CDK19: variants seen among roughly 807,000 people sequenced by gnomAD.
The protein encoded by CDK19 is cyclin dependent kinase 19, also known as cyclin-dependent kinase 19.
CDK19 carries 20 observed loss-of-function variants against 68.3 expected under a neutral mutation model. That is an observed-to-expected ratio of 0.29 (90% CI 0.21 to 0.43). The LOEUF is 0.43. CDK19 is among the 20% of genes least tolerant of loss of function. The pLI is 1.00. For missense variants in CDK19, 339 were observed against 623.5 expected, an observed-to-expected ratio of 0.54 and a Z score of 4.86; for synonymous variants, 221 against 222.8, an observed-to-expected ratio of 0.99 and a Z score of 0.07.
chr6:110,685,747 C>A (rs1272321039), intron 2 of CDK19, among the ~76,000 whole-genome samples: 1 of 152,200 alleles, frequency 6.6e-6, no homozygotes, highest in Non-Finnish European at 1.5e-5. Flanking sequence ...CAAAGCTATT[C>A]ACCCCAAAGG....
chr6:110,701,209 A>T (rs1562211289), intron 2 of CDK19, among the ~76,000 whole-genome samples: 2 of 149,886 alleles, frequency 1.3e-5, no homozygotes, highest in Non-Finnish European at 3.0e-5. Context: ...ATCTCAAAAA[A>T]AATTAATTAA....
chr6:110,738,916 G>A (rs1303269544), intron 2 of CDK19, among the ~76,000 whole-genome samples: 1 of 152,198 alleles, frequency 6.6e-6, no homozygotes, highest in African/African-American at 2.4e-5. Context: ...TGGGCACTAT[G>A]TGGAAGAACT....
intron 1 of CDK19, among the ~76,000 whole-genome samples, chr6:110,772,835 A>G (rs1427682455): frequency 6.7e-6 from 1 of 150,032 alleles, no homozygotes; most frequent in Non-Finnish European, 1.5e-5. Context: ...CAAAGCCACA[A>G]TGAGTTGTGA....
intron 2 of CDK19, among the ~76,000 whole-genome samples, chr6:110,679,608 C>T (rs1166050070): frequency 6.6e-6 from 1 of 152,034 alleles, no homozygotes; most frequent in Admixed American, 6.6e-5. Context: ...GCAAAACTGT[C>T]TCTAAAAACA....
chr6:110,814,907 C>A, intron 1 of CDK19, 102 bp downstream of exon 1: 4 of 1,511,192 alleles, frequency 2.6e-6, no homozygotes, highest in Non-Finnish European at 3.6e-6. Context: ...CTCCGCCTCG[C>A]CCCTCGGGCA....
chr6:110,745,028 C>T (rs574660515), intron 2 of CDK19, among the ~76,000 whole-genome samples: 8 of 152,228 alleles, frequency 5.3e-5, no homozygotes, highest in African/African-American at 2.4e-5. Context: ...TATTAAGTAA[C>T]AATTATTTAA....
At chr6:110,658,282 T>C (rs1257852873) in intron 4 of CDK19, among the ~76,000 whole-genome samples, 2 of 152,234 alleles carry the variant, frequency 1.3e-5, no homozygotes, top group Non-Finnish European at 2.9e-5. Flanking sequence ...AACACTAGTA[T>C]GATTCTTCAG....
chr6:110,738,990 T>C (rs372111923), intron 2 of CDK19, among the ~76,000 whole-genome samples: 22 of 152,294 alleles, frequency 1.4e-4, no homozygotes, highest in African/African-American at 4.6e-4. Flanking sequence ...GCTGGGATAT[T>C]GATGGATATA....
At chr6:110,799,310 T>C (rs1310902180) in intron 1 of CDK19, among the ~76,000 whole-genome samples, 2 of 152,220 alleles carry the variant, frequency 1.3e-5, no homozygotes, top group Admixed American at 1.3e-4. Context: ...TAGGCCTTAA[T>C]ACCTGGAACA....
At chr6:110,705,435 A>G (rs1202217683) in intron 2 of CDK19, among the ~76,000 whole-genome samples, 1 of 152,190 alleles carries the variant, frequency 6.6e-6, no homozygotes, top group Non-Finnish European at 1.5e-5. Context: ...AGCTCAGGAG[A>G]GAGTGCTCAA....
chr6:110,766,618 T>C (rs772928858), intron 1 of CDK19, among the ~76,000 whole-genome samples: 3 of 152,126 alleles, frequency 2.0e-5, no homozygotes, highest in Non-Finnish European at 4.4e-5. Context: ...ATTTGCAGCA[T>C]CATTGACCCT....
rs1371347321 is a variant in CDK19, at chr6:110,614,327, G to A, written c.*208C>T. On this transcript the variant is annotated 3_prime_UTR_variant, in exon 13 of 13. Coordinates refer to ENST00000368911, the MANE Select transcript of CDK19 (RefSeq NM_015076.5). ...TCACAATGGAACACATGCAGGGAAGGGGTGCTGGGGAAACTTCACAAGAAT... is the reference window on the plus strand; with the variant it reads ...TCACAATGGAACACATGCAGGGAAGAGGTGCTGGGGAAACTTCACAAGAAT... The A allele has an allele frequency of 4.6e-6, 2 of 436,046 alleles. No homozygotes were observed. The highest frequency in any genetic ancestry group is 1.9e-5 in the African/African-American group (1 of 51,710). 27.0% of individuals were successfully genotyped at this position (436,046 alleles called of 1,614,324 possible).
chr6:110,806,693 A>G (rs1782704055), intron 1 of CDK19, among the ~76,000 whole-genome samples: 1 of 152,088 alleles, frequency 6.6e-6, no homozygotes, highest in South Asian at 2.1e-4. Context: ...GATTTAAAAT[A>G]TGGGCCAAGC....
chr6:110,721,789 C>T (rs1170198177), intron 2 of CDK19, among the ~76,000 whole-genome samples: 1 of 152,000 alleles, frequency 6.6e-6, no homozygotes, highest in Non-Finnish European at 1.5e-5. Context: ...ATGGTGAAAC[C>T]TCGTCTCTAC....
intron 4 of CDK19, among the ~76,000 whole-genome samples, chr6:110,663,063 G>A (rs1008994719): frequency 6.6e-6 from 1 of 152,036 alleles, no homozygotes; most frequent in African/African-American, 2.4e-5. Flanking sequence ...CCAAAACACT[G>A]ACTTTTATTT....
chr6:110,673,341 T>C (rs781606678), intron 2 of CDK19, among the ~76,000 whole-genome samples: 5 of 152,186 alleles, frequency 3.3e-5, no homozygotes, highest in Non-Finnish European at 7.3e-5. Context: ...CGTTTGTCCA[T>C]TTGCCCCTCA....
At chr6:110,629,495 T>A (rs767083231) in intron 6 of CDK19, among the ~76,000 whole-genome samples, 4 of 152,048 alleles carry the variant, frequency 2.6e-5, no homozygotes, top group African/African-American at 9.7e-5. Flanking sequence ...GCTGGGATTA[T>A]AGGCACACAC....
intron 2 of CDK19, among the ~76,000 whole-genome samples, chr6:110,726,848 T>G (rs1478214882): frequency 6.6e-6 from 1 of 152,142 alleles, no homozygotes; most frequent in East Asian, 1.9e-4. Flanking sequence ...ACATGGAATA[T>G]ATGGAAGGAT....
At chr6:110,629,172 G>A (rs974009190) in intron 6 of CDK19, among the ~76,000 whole-genome samples, 1 of 152,184 alleles carries the variant, frequency 6.6e-6, no homozygotes, top group Non-Finnish European at 1.5e-5. Context: ...AAGAGCCAGG[G>A]TCTTGAGTTC....
Sources: gnomAD v4.1 joint callset for allele counts (sites outside exome capture counted in the v4.1 genomes callset) on GRCh38, gnomAD v4.1.1 for gene constraint, MANE v1.5 for transcripts, NCBI Gene and HGNC (gene_info 2026-07-23, HGNC 2026-07-21) for gene names.